NAV3: variants seen among roughly 807,000 people sequenced by gnomAD.
The protein encoded by NAV3 is neuron navigator 3.
A neutral mutation model predicts 244.7 loss-of-function variants in NAV3; 87 were observed. The observed-to-expected ratio is 0.36, with a 90% CI of 0.30 to 0.42. The LOEUF (loss-of-function observed/expected upper bound fraction) is 0.42. Ranked by LOEUF, NAV3 falls within the 20% of genes least tolerant of loss-of-function variation. NAV3 has a pLI of 1.00. For synonymous variants in NAV3, 1,126 were observed against 1,042.2 expected, an observed-to-expected ratio of 1.08 and a Z score of -1.55; for missense variants, 2,663 against 2,893.3, an observed-to-expected ratio of 0.92 and a Z score of 1.83.
chr12:77,767,598 C>T (rs576142530), intron 2 of NAV3, among the ~76,000 whole-genome samples: 1 of 152,200 alleles, frequency 6.6e-6, no homozygotes, highest in Non-Finnish European at 1.5e-5. Context: ...GGGCGGGCAG[C>T]TCCAGGTGCC....
chr12:78,104,431 C>T (rs1954698028), intron 12 of NAV3, among the ~76,000 whole-genome samples: 1 of 152,096 alleles, frequency 6.6e-6, no homozygotes, highest in Non-Finnish European at 1.5e-5. Flanking sequence ...AAAAAGCAGG[C>T]AAAAGGCAAA....
intron 12 of NAV3, 150 bp downstream of exon 12, chr12:78,059,265 G>GT (rs1467540376): frequency 1.8e-5 from 14 of 782,492 alleles, no homozygotes; most frequent in East Asian, 4.3e-5. Flanking sequence ...ATTATTTAGG[G>GT]TTTTTTTGTT....
At chr12:77,705,229 G>A (rs934390341) in intron 2 of NAV3, among the ~76,000 whole-genome samples, 1 of 151,862 alleles carries the variant, frequency 6.6e-6, no homozygotes, top group African/African-American at 2.4e-5. Flanking sequence ...GACCAGCATG[G>A]CCAACATAGC....
chr12:77,657,431 CCAATAACA>C (rs1053040360), intron 2 of NAV3, among the ~76,000 whole-genome samples: 66 of 152,266 alleles, frequency 4.3e-4, no homozygotes, highest in Admixed American at 4.0e-3. Flanking sequence ...TCTGAATAGA[CCAATAACA>C]GGAGCTGAAA....
intron 24 of NAV3, among the ~76,000 whole-genome samples, chr12:78,169,466 C>G (rs1459507375): frequency 2.0e-5 from 3 of 151,678 alleles, no homozygotes; most frequent in Non-Finnish European, 4.4e-5. Flanking sequence ...CCTGGGTTCA[C>G]CACTGAAGAA....
At chr12:77,856,767 T>C (rs905401005) in intron 1 of NAV3, among the ~76,000 whole-genome samples, 71 of 152,258 alleles carry the variant, frequency 4.7e-4, no homozygotes, top group African/African-American at 1.7e-3. Flanking sequence ...TATTATGAAA[T>C]GGCTTTTTAA....
intron 39 of NAV3, among the ~76,000 whole-genome samples, chr12:78,207,877 G>A (rs899738885): frequency 3.3e-5 from 5 of 152,260 alleles, no homozygotes; most frequent in East Asian, 3.9e-4. Context: ...TAATAACAGA[G>A]TAGAGAGAGG....
chr12:77,623,676 G>A (rs550263913), intron 2 of NAV3, among the ~76,000 whole-genome samples: 2 of 152,144 alleles, frequency 1.3e-5, no homozygotes, highest in Admixed American at 6.5e-5. Flanking sequence ...TTGTTGTCTC[G>A]AAGAATACTA....
intron 9 of NAV3, chr12:78,037,470 T>C (rs3847778): frequency 0.099 from 59,938 of 606,344 alleles, 3,365 homozygotes; most frequent in South Asian, 0.17. Flanking sequence ...ATTTGCCAAA[T>C]AGCTTTCATG....
intron 2 of NAV3, among the ~76,000 whole-genome samples, chr12:77,627,259 A>G (rs1871673208): frequency 1.3e-5 from 2 of 152,206 alleles, no homozygotes; most frequent in Admixed American, 1.3e-4. Flanking sequence ...CAGACAAAAT[A>G]GACTTTAAGT....
chr12:77,674,389 CTTT>C (rs375776245), intron 2 of NAV3, among the ~76,000 whole-genome samples: 3 of 146,102 alleles, frequency 2.1e-5, no homozygotes, highest in African/African-American at 2.5e-5. Flanking sequence ...TCAAATTATA[CTTT>C]TTTTTTTTTT....
chr12:77,686,433 T>C (rs1418609186), intron 2 of NAV3, among the ~76,000 whole-genome samples: 84 of 150,052 alleles, frequency 5.6e-4, no homozygotes, highest in Middle Eastern at 3.4e-3. Flanking sequence ...TCTTTTTTTT[T>C]TTTTTTTTTT....
At chr12:77,814,737 T>C (rs1432969613) in intron 2 of NAV3, among the ~76,000 whole-genome samples, 2 of 152,024 alleles carry the variant, frequency 1.3e-5, no homozygotes. Flanking sequence ...AAAAGTAAAA[T>C]ACTGGATGTG....
chr12:77,934,363 A>G (rs1431886519), intron 1 of NAV3, among the ~76,000 whole-genome samples: 2 of 152,112 alleles, frequency 1.3e-5, no homozygotes, highest in African/African-American at 2.4e-5. Flanking sequence ...CTCTAGGATC[A>G]CTTCTTTCTT....
At chr12:78,036,802 C>T in intron 9 of NAV3, 1 of 616,852 alleles carries the variant, frequency 1.6e-6, no homozygotes, top group Non-Finnish European at 2.9e-6. Flanking sequence ...GGATCAGTTA[C>T]AATCACAGTG....
At chr12:77,737,581 T>C (rs917766395) in intron 2 of NAV3, among the ~76,000 whole-genome samples, 5 of 152,042 alleles carry the variant, frequency 3.3e-5, no homozygotes, top group African/African-American at 1.2e-4. Flanking sequence ...GGTGAGCATT[T>C]CATCCAGGGC....
chr12:77,720,868 T>C (rs1349032451), intron 2 of NAV3, among the ~76,000 whole-genome samples: 1 of 152,114 alleles, frequency 6.6e-6, no homozygotes, highest in Non-Finnish European at 1.5e-5. Context: ...TCTGGGACTT[T>C]CTCTTCTGTC....
intron 12 of NAV3, among the ~76,000 whole-genome samples, chr12:78,090,840 CG>C (rs58244857): frequency 0.016 from 2,440 of 151,898 alleles, 64 homozygotes; most frequent in African/African-American, 0.056. Flanking sequence ...GTGAAAATTC[CG>C]TAACAGTCTT....
chr12:77,655,489 C>G (rs1436443801), intron 2 of NAV3, among the ~76,000 whole-genome samples: 1 of 152,124 alleles, frequency 6.6e-6, no homozygotes, highest in Non-Finnish European at 1.5e-5. Flanking sequence ...ATTGGTGTAC[C>G]TGAAAGTGAC....
Sources: gnomAD v4.1 joint callset for allele counts (sites outside exome capture counted in the v4.1 genomes callset) on GRCh38, gnomAD v4.1.1 for gene constraint, MANE v1.5 for transcripts, NCBI Gene and HGNC (gene_info 2026-07-23, HGNC 2026-07-21) for gene names.